Variants in DENND4C observed in about 807,000 individuals in gnomAD.
DENND4C encodes DENN domain-containing protein 4C.
In DENND4C, 108 loss-of-function variants were observed where a neutral mutation model predicts 203.0. The ratio of observed to expected loss-of-function variants is 0.53; its 90% confidence interval spans 0.46 to 0.62. The LOEUF (loss-of-function observed/expected upper bound fraction) is 0.62, where lower values mean the gene tolerates loss of function less well. Ranked by LOEUF, DENND4C falls within the 20% of genes least tolerant of loss-of-function variation. DENND4C has a pLI of 0.00. For synonymous variants in DENND4C, 871 were observed against 792.4 expected, an observed-to-expected ratio of 1.10 and a Z score of -1.67; for missense variants, 2,481 against 2,301.2, an observed-to-expected ratio of 1.08 and a Z score of -1.60.
chr9:19,361,624 C>G (rs111915595), intron 29 of DENND4C, among the ~76,000 whole-genome samples: 4 of 152,150 alleles, frequency 2.6e-5, no homozygotes. Context: ...TGCCAGTTAG[C>G]TAATTGTCAT....
intron 1 of DENND4C, among the ~76,000 whole-genome samples, chr9:19,264,883 T>C (rs1412918929): frequency 6.6e-6 from 1 of 152,172 alleles, no homozygotes; most frequent in Non-Finnish European, 1.5e-5. Flanking sequence ...TTTTAGGTTG[T>C]TTATTTGAAG....
intron 15 of DENND4C, among the ~76,000 whole-genome samples, chr9:19,327,099 T>G (rs907364922): frequency 6.6e-6 from 1 of 152,096 alleles, no homozygotes; most frequent in Non-Finnish European, 1.5e-5. Flanking sequence ...ATTGAATGGC[T>G]TGATTAAATA....
At position 19,299,161 on chromosome 9, in the gene DENND4C, G is replaced by T; in HGVS notation, c.1108-68G>T. 8 of 1,163,464 alleles carry T rather than the reference G, an allele frequency of 6.9e-6. No individual in the cohort carries two copies. In the East Asian group the frequency reaches 8.1e-5, roughly 12 times the overall value. 72.1% of individuals were successfully genotyped at this position (1,163,464 alleles called of 1,614,324 possible). On this transcript the variant is annotated intron_variant, in intron 7 of 32. Coordinates refer to ENST00000434457, the MANE Select transcript of DENND4C (RefSeq NM_001330640.2). ...TCTAAATATATAGATTTCAAAAGTA[G>T]TTTTGAAACTTATCTCTTGGTTTGG...
At position 19,335,590 on chromosome 9, in the gene DENND4C, A is replaced by T. The variant is rs536955925; in HGVS notation, c.2589+485A>T. On this transcript the variant is annotated intron_variant, in intron 18 of 32. Transcript: ENST00000434457. ...TTTCACTTTCCTGGATCTCATATATATGTGAGATCTTGCGGTATTTGTCTT... is the reference window on the plus strand; with the variant it reads ...TTTCACTTTCCTGGATCTCATATATTTGTGAGATCTTGCGGTATTTGTCTT... Among the ~76,000 whole-genome samples, 3 of 152,188 alleles carry T rather than the reference A, an allele frequency of 2.0e-5. No homozygotes were observed. The South Asian group carries it at 6.2e-4, about 32-fold the overall frequency.
In DENND4C at chr9:19,291,013, A is replaced by C; in HGVS notation, c.801+137A>C. ...GTTTAAATTTACACTGTCATCCCCA[A>C]GGTGAGAAATCAACATGAAAATTGC... On this transcript the variant is annotated intron_variant, in intron 5 of 32. Coordinates refer to ENST00000434457, the MANE Select transcript of DENND4C (RefSeq NM_001330640.2). 9 of 833,158 alleles carry C rather than the reference A, an allele frequency of 1.1e-5. No homozygotes were observed. The South Asian group carries it at 1.8e-4, about 16-fold the overall frequency. The allele number at this position is 833,158 out of a possible 1,614,324, so 51.6% of individuals were successfully genotyped here.
chr9:19,288,558 CT>C, intron 3 of DENND4C, 37 bp from the exon 4 acceptor site: 1 of 1,185,588 alleles, frequency 8.4e-7, no homozygotes, highest in East Asian at 3.2e-5. Flanking sequence ...TCTTTTCACT[CT>C]TTTGTCTTTT....
intron 12 of DENND4C, among the ~76,000 whole-genome samples, chr9:19,319,430 A>T: frequency 1.4e-5 from 2 of 146,076 alleles, no homozygotes; most frequent in South Asian, 4.2e-4. Context: ...ACATATATAT[A>T]TACACACATA....
intron 5 of DENND4C, among the ~76,000 whole-genome samples, chr9:19,294,544 A>G (rs1837026569): frequency 6.6e-6 from 1 of 152,212 alleles, no homozygotes; most frequent in Admixed American, 6.5e-5. Flanking sequence ...GCATATACCT[A>G]AAATAATTGA....
Position 19,250,296 on chromosome 9 carries a change from T to A in DENND4C, c.-18+19463T>A, listed in dbSNP as rs1445945998. ...CCATCTCTACTAAAAATACAAAAAT[T>A]AGCTGGGCATAGTGGCGTGCACCTG... is the stretch of plus-strand genomic sequence containing the variant. On this transcript the variant is annotated intron_variant, in intron 1 of 32. Coordinates refer to ENST00000434457, the MANE Select transcript of DENND4C (RefSeq NM_001330640.2). 2.6e-5 allele frequency among the ~76,000 whole-genome samples: 4 copies of A among 152,062 alleles called. No individual in the cohort carries two copies. In the East Asian group the frequency reaches 7.7e-4, roughly 29 times the overall value.
intron 1 of DENND4C, among the ~76,000 whole-genome samples, chr9:19,274,901 A>G (rs560688609): frequency 9.6e-4 from 146 of 152,368 alleles, no homozygotes; most frequent in African/African-American, 3.4e-3. Flanking sequence ...AGAGAATGAT[A>G]TTTTGAATGA....
intron 16 of DENND4C, among the ~76,000 whole-genome samples, chr9:19,329,706 A>G (rs930222575): frequency 6.6e-6 from 1 of 152,138 alleles, no homozygotes; most frequent in Admixed American, 6.5e-5. Context: ...ATCCTTGTCA[A>G]TTCTTGTTAT....
chr9:19,355,880 A>G (rs984293570), intron 26 of DENND4C, among the ~76,000 whole-genome samples: 1 of 151,690 alleles, frequency 6.6e-6, no homozygotes. Flanking sequence ...ATATCTCTGT[A>G]TTTTTTTTCA....
At chr9:19,231,109 C>G (rs927812433) in intron 1 of DENND4C, among the ~76,000 whole-genome samples, 2 of 152,320 alleles carry the variant, frequency 1.3e-5, no homozygotes, top group African/African-American at 4.8e-5. Context: ...CGTCGCCCGC[C>G]GGGCCCATGA....
chr9:19,243,411 T>C (rs1311501435), intron 1 of DENND4C, among the ~76,000 whole-genome samples: 1 of 152,222 alleles, frequency 6.6e-6, no homozygotes, highest in Non-Finnish European at 1.5e-5. Context: ...AATTCAGTGG[T>C]GTTCGGCACA....
chr9:19,328,877 C>T (rs1043529522), intron 16 of DENND4C, among the ~76,000 whole-genome samples: 5 of 151,828 alleles, frequency 3.3e-5, no homozygotes, highest in African/African-American at 9.7e-5. Flanking sequence ...GGAGAAACCC[C>T]GTCTCTACTA....
intron 9 of DENND4C, among the ~76,000 whole-genome samples, chr9:19,300,741 C>T (rs1323730710): frequency 6.6e-6 from 1 of 152,154 alleles, no homozygotes; most frequent in Admixed American, 6.5e-5. Flanking sequence ...CAGTAATATA[C>T]AGGAAATTCT....
At chr9:19,364,742 A>C (rs1478252843) in intron 30 of DENND4C, among the ~76,000 whole-genome samples, 1 of 152,146 alleles carries the variant, frequency 6.6e-6, no homozygotes, top group Non-Finnish European at 1.5e-5. Context: ...AAAATACAAA[A>C]AAATTTGCCA....
intron 10 of DENND4C, among the ~76,000 whole-genome samples, chr9:19,311,386 A>T (rs555321399): frequency 2.0e-5 from 3 of 152,232 alleles, no homozygotes; most frequent in Admixed American, 2.0e-4. Flanking sequence ...TCGGCCTCCT[A>T]AAGTCCTAGA....
At chr9:19,307,176 T>C (rs1839851491) in intron 10 of DENND4C, among the ~76,000 whole-genome samples, 2 of 151,824 alleles carry the variant, frequency 1.3e-5, no homozygotes, top group African/African-American at 4.8e-5. Flanking sequence ...GGCAGGAGGA[T>C]CACTTGAGCC....
Sources: allele counts gnomAD v4.1 joint callset (sites outside exome capture counted in the v4.1 genomes callset), GRCh38; gene constraint gnomAD v4.1.1; transcripts MANE v1.5; gene names NCBI Gene and HGNC (gene_info 2026-07-23, HGNC 2026-07-21).